The following RIMS2 variants were observed in gnomAD, a reference collection of about 807,000 sequenced individuals.
The protein encoded by RIMS2 is regulating synaptic membrane exocytosis 2.
RIMS2 carries 59 observed loss-of-function variants against 174.4 expected under a neutral mutation model. The observed-to-expected ratio is 0.34, with a 90% confidence interval of 0.27 to 0.42. RIMS2 has a LOEUF of 0.42. Ranked by LOEUF, RIMS2 falls within the 10% of genes least tolerant of loss-of-function variation. RIMS2 has a pLI of 1.00. For synonymous variants in RIMS2, 606 were observed against 572.5 expected, an observed-to-expected ratio of 1.06 and a Z score of -0.84; for missense variants, 1,620 against 1,666.3, an observed-to-expected ratio of 0.97 and a Z score of 0.48.
At chr8:103,667,890 T>C (rs910581402) in intron 1 of RIMS2, among the ~76,000 whole-genome samples, 9 of 152,178 alleles carry the variant, frequency 5.9e-5, no homozygotes, top group African/African-American at 2.2e-4. Flanking sequence ...AGCTTAAGGT[T>C]CACAGTCCCA....
At chr8:104,057,518 C>G (rs2096891190) in intron 19 of RIMS2, among the ~76,000 whole-genome samples, 1 of 152,010 alleles carries the variant, frequency 6.6e-6, no homozygotes, top group Non-Finnish European at 1.5e-5. Flanking sequence ...CCCTCCTAAT[C>G]AACTTATATC....
At chr8:104,078,163 CA>C (rs36009469) in intron 19 of RIMS2, among the ~76,000 whole-genome samples, 34,291 of 134,052 alleles carry the variant, frequency 0.26, 4,095 homozygotes, top group South Asian at 0.36. Flanking sequence ...AAAAACAAAC[CA>C]AAAAAAAAAA....
chr8:104,019,761 G>A (rs960195980), intron 19 of RIMS2, among the ~76,000 whole-genome samples: 1 of 152,052 alleles, frequency 6.6e-6, no homozygotes, highest in Non-Finnish European at 1.5e-5. Context: ...AATACTATAA[G>A]AATGAATTTC....
intron 12 of RIMS2, among the ~76,000 whole-genome samples, chr8:103,934,221 A>AT (rs1265287848): frequency 6.6e-6 from 1 of 152,072 alleles, no homozygotes; most frequent in South Asian, 2.1e-4. Flanking sequence ...GTTGGATTTT[A>AT]TTTTTTAAAA....
chr8:104,057,239 T>C (rs186090829), intron 19 of RIMS2, among the ~76,000 whole-genome samples: 182 of 151,952 alleles, frequency 1.2e-3, no homozygotes, highest in Non-Finnish European at 1.9e-3. Flanking sequence ...GCTAAATTTT[T>C]TATTTTTTGT....
At chr8:104,201,019 G>T (rs941116207) in intron 19 of RIMS2, among the ~76,000 whole-genome samples, 24 of 152,126 alleles carry the variant, frequency 1.6e-4, no homozygotes, top group Non-Finnish European at 2.6e-4. Flanking sequence ...ACACGTGTAG[G>T]TTTGTTACAT....
chr8:103,706,560 T>G (rs552744044), intron 2 of RIMS2, among the ~76,000 whole-genome samples: 1 of 152,296 alleles, frequency 6.6e-6, no homozygotes, highest in African/African-American at 2.4e-5. Context: ...ATTGCTGTGT[T>G]GAGTACAGAG....
rs573439667 is a variant in RIMS2, at chr8:104,067,321, T to TA, written c.3334+52707dup. Among the ~76,000 whole-genome samples, 63 of 152,346 alleles carry TA rather than the reference T, an allele frequency of 4.1e-4. No individual in the cohort carries two copies. The South Asian group carries it at 9.7e-3, about 24-fold the overall frequency. On this transcript the variant is annotated intron_variant, in intron 19 of 23. Transcript: ENST00000504942. ...TCATTTTTCCCAGTATGTAGATTTG[T>TA]AGTATATGATCGAGATTTTTAAATT...
rs540935296 is a variant in RIMS2 at position 104,094,295 on chromosome 8, G to A, written c.3334+79680G>A. Among the ~76,000 whole-genome samples, 4 of 152,116 alleles carry A rather than the reference G, an allele frequency of 2.6e-5. 1 individual carries two copies. Among genetic ancestry groups the A allele is most frequent in the African/African-American group, 9.6e-5 (4 of 41,558 alleles). On this transcript the variant is annotated intron_variant, in intron 19 of 23. Coordinates refer to ENST00000504942, the Ensembl canonical transcript of RIMS2. ...GATTTAAAAACTATTACAATTAAGT[G>A]CTATTTATACAGTGCTTCTCTAGTA...
chr8:103,618,343 A>G (rs944916809), intron 1 of RIMS2, among the ~76,000 whole-genome samples: 2 of 152,110 alleles, frequency 1.3e-5, no homozygotes, highest in African/African-American at 4.8e-5. Flanking sequence ...GGGAGGAGGG[A>G]AAGGAGCAGA....
At position 103,807,950 on chromosome 8, in the gene RIMS2, A is replaced by C. The variant is rs116564029; in HGVS notation, c.698+41413A>C. ...TTTAGATTTGCATGAGTTTATTTGC[A>C]TCAGATCTTCTGTTTTGGCTGAAAA... On this transcript the variant is annotated intron_variant, in intron 3 of 23. Coordinates refer to ENST00000504942, the Ensembl canonical transcript of RIMS2. Among the ~76,000 whole-genome samples, 264 of 152,252 alleles carry C rather than the reference A, an allele frequency of 1.7e-3. 1 individual carries two copies. The highest frequency in any genetic ancestry group is 6.2e-3 in the African/African-American group (259 of 41,560).
chr8:103,844,092 G>T (rs1260889078), intron 3 of RIMS2, among the ~76,000 whole-genome samples: 1 of 152,122 alleles, frequency 6.6e-6, no homozygotes, highest in Non-Finnish European at 1.5e-5. Context: ...GCTCCTCCTT[G>T]CCTTCTGCCA....
exon 23 of RIMS2, chr8:104,251,068 G>A (rs766186254): frequency 6.2e-7 from 1 of 1,613,398 alleles, no homozygotes; most frequent in East Asian, 2.2e-5. Context: ...AGTCTGCATA[G>A]CCAAAAAGAA....
chr8:103,744,782 G>A (rs1186976834), intron 2 of RIMS2, among the ~76,000 whole-genome samples: 1 of 152,154 alleles, frequency 6.6e-6, no homozygotes, highest in Admixed American at 6.5e-5. Context: ...TTCTGAGAAG[G>A]TCTCATCATG....
intron 1 of RIMS2, among the ~76,000 whole-genome samples, chr8:103,624,912 C>T (rs775122062): frequency 1.3e-5 from 2 of 151,942 alleles, no homozygotes; most frequent in African/African-American, 2.4e-5. Context: ...AAATGGTGCA[C>T]AGAAAATACT....
intron 1 of RIMS2, among the ~76,000 whole-genome samples, chr8:103,623,504 A>G (rs1288726547): frequency 9.1e-5 from 1 of 11,008 alleles, no homozygotes; most frequent in Non-Finnish European, 1.6e-4. Flanking sequence ...TTTTTTTTTG[A>G]GACGGAGTCT....
chr8:104,220,885 G>C (rs1055066289), intron 19 of RIMS2, among the ~76,000 whole-genome samples: 2 of 152,132 alleles, frequency 1.3e-5, no homozygotes, highest in Admixed American at 1.3e-4. Context: ...GGGATTGCAG[G>C]CATGAGCCAC....
At chr8:104,215,347 G>A (rs1160780360) in intron 19 of RIMS2, among the ~76,000 whole-genome samples, 1 of 152,042 alleles carries the variant, frequency 6.6e-6, no homozygotes, top group African/African-American at 2.4e-5. Flanking sequence ...CTTTAATTGT[G>A]GTTAAGGTAC....
intron 1 of RIMS2, among the ~76,000 whole-genome samples, chr8:103,549,314 T>C (rs533499205): frequency 1.3e-5 from 2 of 152,300 alleles, no homozygotes; most frequent in South Asian, 4.2e-4. Flanking sequence ...GGGGCCAATA[T>C]TCAACAATCT....
Sources: allele counts gnomAD v4.1 joint callset (sites outside exome capture counted in the v4.1 genomes callset), GRCh38; gene constraint gnomAD v4.1.1; transcripts MANE v1.5; gene names NCBI Gene and HGNC (gene_info 2026-07-23, HGNC 2026-07-21).